The following CDH18 variants were observed in gnomAD, a reference collection of about 807,000 sequenced individuals.
CDH18 encodes cadherin-18.
A neutral mutation model predicts 67.9 loss-of-function variants in CDH18; 31 were observed. That is an observed-to-expected ratio of 0.46 (90% CI 0.34 to 0.62). CDH18 has a LOEUF of 0.62. Ranked by LOEUF, CDH18 falls within the 20% of genes least tolerant of loss-of-function variation. The pLI, the probability that CDH18 is intolerant of heterozygous loss-of-function variation, is 0.01. For synonymous variants in CDH18, 362 were observed against 347.2 expected, an observed-to-expected ratio of 1.04 and a Z score of -0.48; for missense variants, 890 against 975.5, an observed-to-expected ratio of 0.91 and a Z score of 1.17.
chr5:20,157,416 C>T (rs1014926620), intron 2 of CDH18, among the ~76,000 whole-genome samples: 1 of 151,998 alleles, frequency 6.6e-6, no homozygotes, highest in Non-Finnish European at 1.5e-5. Flanking sequence ...TAAATGTTTG[C>T]TATGAGTGAA....
At chr5:19,633,463 T>C (rs1204527406) in intron 5 of CDH18, among the ~76,000 whole-genome samples, 3 of 152,208 alleles carry the variant, frequency 2.0e-5, no homozygotes, top group Admixed American at 6.5e-5. Context: ...TGGTGTTACA[T>C]TTTTATATTA....
chr5:20,121,690 C>T (rs900859656), intron 2 of CDH18, among the ~76,000 whole-genome samples: 5 of 152,160 alleles, frequency 3.3e-5, no homozygotes, highest in South Asian at 2.1e-4. Flanking sequence ...TTCACTCCTG[C>T]ACTTAAATAC....
intron 1 of CDH18, among the ~76,000 whole-genome samples, chr5:20,339,477 G>T (rs1740067660): frequency 6.6e-6 from 1 of 152,074 alleles, no homozygotes; most frequent in Non-Finnish European, 1.5e-5. Flanking sequence ...TGTGAGAGGA[G>T]CTGCAAGGGA....
At chr5:20,569,999 C>A (rs1758717473) in intron 1 of CDH18, among the ~76,000 whole-genome samples, 1 of 152,110 alleles carries the variant, frequency 6.6e-6, no homozygotes, top group African/African-American at 2.4e-5. Flanking sequence ...AAGATCAGTG[C>A]TTGTCAGGTG....
chr5:19,985,975 C>T (rs1305209071), intron 1 of CDH18, among the ~76,000 whole-genome samples: 2 of 152,062 alleles, frequency 1.3e-5, no homozygotes, highest in African/African-American at 4.8e-5. Context: ...TACTTCTGTG[C>T]AATAAGTTAA....
At chr5:19,604,298 A>T (rs1468546643) in intron 6 of CDH18, among the ~76,000 whole-genome samples, 1 of 152,016 alleles carries the variant, frequency 6.6e-6, no homozygotes, top group African/African-American at 2.4e-5. Context: ...AGCTGTAATA[A>T]ATTTAATCAT....
rs146116673 is a variant in CDH18 at position 19,483,339 on chromosome 5, G to A, written c.1844C>T (p.Ala615Val). The A allele has an allele frequency of 6.2e-7, 1 of 1,613,952 alleles. No homozygotes were observed. Among genetic ancestry groups the A allele is most frequent in the Non-Finnish European group, 8.5e-7 (1 of 1,179,952 alleles). The change falls in exon 12 of 13, where the codon GCC (alanine) becomes GTC (valine). Residue 615 changes from alanine (A) to valine (V), a missense_variant. This residue lies in a region of CDH18 where 656 missense variants were observed against 668.1 expected (regional missense o/e 0.98). Coordinates refer to ENST00000382275, the MANE Select transcript of CDH18 (RefSeq NM_004934.5). ...AACACAGAGAAGAATAGCGATTAAG[G>A]CTCCTGTACTCAAACCAGCCGAGGA... ...FLSSAGLSTGALIAILLCVLI... is the reference protein window; with the variant it reads ...FLSSAGLSTGVLIAILLCVLI...
At chr5:19,509,329 C>T (rs544444222) in intron 10 of CDH18, among the ~76,000 whole-genome samples, 1 of 152,154 alleles carries the variant, frequency 6.6e-6, no homozygotes, top group African/African-American at 2.4e-5. Flanking sequence ...TGAAAAATAA[C>T]CTGTTGGGCA....
chr5:20,405,896 C>T (rs1226945510), intron 1 of CDH18, among the ~76,000 whole-genome samples: 1 of 152,156 alleles, frequency 6.6e-6, no homozygotes, highest in Non-Finnish European at 1.5e-5. Context: ...CCATCTCACA[C>T]CAGTTAGAAT....
intron 1 of CDH18, among the ~76,000 whole-genome samples, chr5:20,411,400 A>C (rs988657305): frequency 2.2e-4 from 8 of 35,880 alleles, no homozygotes; most frequent in Non-Finnish European, 5.9e-4. Flanking sequence ...TATATACACA[A>C]AAAAAAGTCT....
chr5:20,041,038 A>T (rs190536803), intron 2 of CDH18, among the ~76,000 whole-genome samples: 15 of 152,284 alleles, frequency 9.9e-5, no homozygotes, highest in Admixed American at 3.3e-4. Flanking sequence ...GGTTTTAATT[A>T]AAAAAGTGAG....
intron 3 of CDH18, among the ~76,000 whole-genome samples, chr5:19,787,844 TAA>T (rs1775976294): frequency 6.6e-6 from 1 of 150,770 alleles, no homozygotes; most frequent in South Asian, 2.1e-4. Context: ...CATGTATATA[TAA>T]GTATACATGT....
At chr5:19,978,263 G>A (rs1345411816) in intron 2 of CDH18, among the ~76,000 whole-genome samples, 1 of 152,012 alleles carries the variant, frequency 6.6e-6, no homozygotes, top group African/African-American at 2.4e-5. Flanking sequence ...CTTTCATTAG[G>A]AGTAACATTT....
intron 2 of CDH18, among the ~76,000 whole-genome samples, chr5:19,994,757 A>T (rs1339364566): frequency 1.7e-5 from 1 of 58,882 alleles, no homozygotes; most frequent in East Asian, 5.4e-4. Context: ...AGAGAGAGAG[A>T]GAGAGAGAGA....
chr5:19,775,915 A>G (rs1774308394), intron 3 of CDH18, among the ~76,000 whole-genome samples: 2 of 152,154 alleles, frequency 1.3e-5, no homozygotes, highest in Non-Finnish European at 1.5e-5. Context: ...ATGGGCAGGA[A>G]TATCTGGATG....
intron 1 of CDH18, among the ~76,000 whole-genome samples, chr5:20,425,272 G>A (rs570354742): frequency 1.3e-5 from 2 of 150,610 alleles, no homozygotes; most frequent in Admixed American, 6.6e-5. Flanking sequence ...CTCGGGAGGC[G>A]AGGCAGGAGA....
At chr5:20,324,765 C>T (rs1002508969) in intron 1 of CDH18, among the ~76,000 whole-genome samples, 1 of 152,148 alleles carries the variant, frequency 6.6e-6, no homozygotes, top group Non-Finnish European at 1.5e-5. Context: ...AAGGAACAGT[C>T]TGACACCAAA....
At chr5:20,120,212 GTGAT>G (rs1748246878) in intron 2 of CDH18, among the ~76,000 whole-genome samples, 1 of 152,104 alleles carries the variant, frequency 6.6e-6, no homozygotes, top group African/African-American at 2.4e-5. Context: ...TTATGACAAA[GTGAT>G]AGATTAATAA....
At chr5:20,515,169 G>A (rs1313125650) in intron 1 of CDH18, among the ~76,000 whole-genome samples, 3 of 151,780 alleles carry the variant, frequency 2.0e-5, no homozygotes, top group Admixed American at 1.3e-4. Flanking sequence ...GAACTGAATA[G>A]GAATTTTTTG....
Sources: gnomAD v4.1 joint callset for allele counts (sites outside exome capture counted in the v4.1 genomes callset) on GRCh38, gnomAD v4.1.1 for gene constraint, gnomAD v4.1.1 regional missense constraint, MANE v1.5 for transcripts, NCBI Gene and HGNC (gene_info 2026-07-23, HGNC 2026-07-21) for gene names.